Variants in FMNL2 observed in about 807,000 individuals in gnomAD.
FMNL2 encodes the protein formin-like protein 2.
A neutral mutation model predicts 130.2 loss-of-function variants in FMNL2; 51 were observed. The observed-to-expected ratio is 0.39, with a 90% CI of 0.31 to 0.49. The LOEUF (loss-of-function observed/expected upper bound fraction) is 0.49, where lower values mean the gene tolerates loss of function less well. Ranked by LOEUF, FMNL2 falls within the 20% of genes least tolerant of loss-of-function variation. FMNL2 has a pLI of 0.85. For missense variants in FMNL2, 977 were observed against 1,316.2 expected, an observed-to-expected ratio of 0.74 and a Z score of 3.99; for synonymous variants, 465 against 467.1, an observed-to-expected ratio of 1.00 and a Z score of 0.06.
intron 6 of FMNL2, among the ~76,000 whole-genome samples, chr2:152,571,373 C>T (rs2105666210): frequency 6.6e-6 from 1 of 152,196 alleles, no homozygotes; most frequent in South Asian, 2.1e-4. Context: ...CTCATGTGTG[C>T]CAATTATCCA....
chr2:152,611,004 TGTG>T (rs1275392056), intron 10 of FMNL2, among the ~76,000 whole-genome samples: 1 of 152,246 alleles, frequency 6.6e-6, no homozygotes, highest in Non-Finnish European at 1.5e-5. Context: ...GGTGTCTTAT[TGTG>T]GTACCTCTGT....
intron 1 of FMNL2, chr2:152,389,911 G>A: frequency 9.6e-7 from 1 of 1,036,440 alleles, no homozygotes; most frequent in Non-Finnish European, 1.5e-6. Flanking sequence ...CCGGGAGAAG[G>A]TGGAGCGGGT....
intron 2 of FMNL2, among the ~76,000 whole-genome samples, chr2:152,538,973 A>G (rs748194068): frequency 6.6e-6 from 1 of 152,160 alleles, no homozygotes; most frequent in Non-Finnish European, 1.5e-5. Context: ...TTTTCCCTCT[A>G]AATATTAGAA....
At chr2:152,591,978 CTGT>C (rs1273600283) in intron 9 of FMNL2, among the ~76,000 whole-genome samples, 1 of 151,906 alleles carries the variant, frequency 6.6e-6, no homozygotes, top group Non-Finnish European at 1.5e-5. Flanking sequence ...TGGCACGTGC[CTGT>C]AGTCCCAGCT....
At chr2:152,362,201 T>C (rs58092541) in intron 1 of FMNL2, among the ~76,000 whole-genome samples, 22,630 of 152,230 alleles carry the variant, frequency 0.15, 1,826 homozygotes, top group African/African-American at 0.19. Context: ...TAGTTCCTTA[T>C]TGTTTGACTC....
intron 1 of FMNL2, among the ~76,000 whole-genome samples, chr2:152,464,775 C>G (rs1689434095): frequency 6.6e-6 from 1 of 152,142 alleles, no homozygotes; most frequent in Admixed American, 6.5e-5. Flanking sequence ...AATGCTTGTC[C>G]TATTTCTCAG....
rs1407378095 is a variant in FMNL2 at position 152,336,322 on chromosome 2, G to C, written c.117+602G>C. 2.0e-5 allele frequency among the ~76,000 whole-genome samples: 3 copies of C among 152,154 alleles called. No individual in the cohort carries two copies. The East Asian group carries it at 5.8e-4, about 30-fold the overall frequency. On this transcript the variant is annotated intron_variant, in intron 1 of 25. Coordinates refer to ENST00000288670, the MANE Select transcript of FMNL2 (RefSeq NM_052905.4). The stretch of plus-strand genomic sequence containing the variant: ...GAGACCCACAGCAGTGCGGCGCCCC[G>C]GCCCTTGGCGAGGAGCAGGGGCATC...
At chr2:152,356,551 C>T (rs547530649) in intron 1 of FMNL2, among the ~76,000 whole-genome samples, 1 of 152,238 alleles carries the variant, frequency 6.6e-6, no homozygotes, top group South Asian at 2.1e-4. Flanking sequence ...GTATCTGTAA[C>T]CCCAAAGTTA....
chr2:152,408,880 A>T (rs1354630445), intron 1 of FMNL2, among the ~76,000 whole-genome samples: 1 of 152,220 alleles, frequency 6.6e-6, no homozygotes, highest in African/African-American at 2.4e-5. Context: ...GCACCATTGT[A>T]AAATTGGAAA....
At chr2:152,467,489 C>T (rs562365644) in intron 1 of FMNL2, among the ~76,000 whole-genome samples, 29 of 152,182 alleles carry the variant, frequency 1.9e-4, no homozygotes, top group Non-Finnish European at 3.8e-4. Flanking sequence ...TCCTACAAAT[C>T]GAAGGCTGAC....
intron 1 of FMNL2, among the ~76,000 whole-genome samples, chr2:152,378,592 T>C (rs1429061054): frequency 6.6e-6 from 1 of 152,198 alleles, no homozygotes; most frequent in Admixed American, 6.5e-5. Context: ...GTTTATTCTC[T>C]TCCAAATCCC....
At position 152,648,665 on chromosome 2, in the gene FMNL2, C is replaced by T. The variant is rs1271736007; in HGVS notation, c.*760C>T. On this transcript the variant is annotated 3_prime_UTR_variant, in exon 26 of 26. Coordinates refer to ENST00000288670, the MANE Select transcript of FMNL2 (RefSeq NM_052905.4). ...TAATCAGCATTAGCATTTCTGAGGA[C>T]CATTATTAATTCTGAGAACAGAAAT... The T allele has an allele frequency of 2.0e-5, 3 of 152,524 alleles. No individual in the cohort carries two copies. The highest frequency in any genetic ancestry group is 2.9e-5 in the Non-Finnish European group (2 of 68,028). The allele number at this position is 152,524 out of a possible 1,614,324, so 9.4% of individuals were successfully genotyped here. A position where few individuals can be genotyped will look rare whatever the true frequency, so the allele number is the denominator to read the frequency against.
At chr2:152,456,586 G>A (rs182442096) in intron 1 of FMNL2, among the ~76,000 whole-genome samples, 20 of 152,278 alleles carry the variant, frequency 1.3e-4, no homozygotes, top group Middle Eastern at 3.4e-3. Flanking sequence ...ATTCAAGACC[G>A]ATTTATAATA....
At chr2:152,647,194 G>A (rs960914857) in intron 25 of FMNL2, among the ~76,000 whole-genome samples, 12 of 152,078 alleles carry the variant, frequency 7.9e-5, no homozygotes, top group Non-Finnish European at 1.6e-4. Flanking sequence ...AAAAAAAATA[G>A]GTGGCAGAAA....
intron 1 of FMNL2, among the ~76,000 whole-genome samples, chr2:152,342,332 A>T (rs12467610): frequency 0.7 from 105,836 of 152,130 alleles, 37,937 homozygotes; most frequent in East Asian, 0.89. Flanking sequence ...CTGTAACTGG[A>T]GTACTTTTAG....
intron 1 of FMNL2, among the ~76,000 whole-genome samples, chr2:152,474,299 C>T (rs1002745648): frequency 4.6e-5 from 7 of 152,198 alleles, no homozygotes; most frequent in Non-Finnish European, 7.3e-5. Flanking sequence ...TTTACAGTTG[C>T]CTTTTGAGTA....
chr2:152,355,794 C>G (rs1015184361), intron 1 of FMNL2, among the ~76,000 whole-genome samples: 3 of 152,176 alleles, frequency 2.0e-5, no homozygotes, highest in Admixed American at 2.0e-4. Context: ...ACATGTTGCT[C>G]TGTAGCACGT....
chr2:152,562,905 C>G (rs1034181882), intron 6 of FMNL2, among the ~76,000 whole-genome samples: 3 of 152,178 alleles, frequency 2.0e-5, no homozygotes, highest in African/African-American at 7.2e-5. Context: ...GGTTTTCTAT[C>G]ATTGGACACT....
intron 11 of FMNL2, among the ~76,000 whole-genome samples, chr2:152,614,197 G>A (rs955630223): frequency 6.6e-6 from 1 of 152,118 alleles, no homozygotes; most frequent in Non-Finnish European, 1.5e-5. Flanking sequence ...GTTTTATGTG[G>A]CCATGACTAT....
Sources: allele counts gnomAD v4.1 joint callset (sites outside exome capture counted in the v4.1 genomes callset), GRCh38; gene constraint gnomAD v4.1.1; transcripts MANE v1.5; gene names NCBI Gene and HGNC (gene_info 2026-07-23, HGNC 2026-07-21).